Variants in SANBR observed in about 807,000 individuals in gnomAD.
The protein encoded by SANBR is SANT and BTB domain regulator of CSR.
In SANBR, 77 loss-of-function variants were observed where a neutral mutation model predicts 101.8. The observed-to-expected ratio is 0.76, with a 90% confidence interval of 0.63 to 0.91. The LOEUF (loss-of-function observed/expected upper bound fraction) is 0.91. Ranked by LOEUF, SANBR falls within the 40% of genes least tolerant of loss-of-function variation. The pLI is 0.00. For synonymous variants in SANBR, 279 were observed against 274.7 expected, an observed-to-expected ratio of 1.02 and a Z score of -0.15; for missense variants, 875 against 853.0, an observed-to-expected ratio of 1.03 and a Z score of -0.32.
downstream of SANBR, among the ~76,000 whole-genome samples, chr2:61,126,217 A>G (rs1408350103): frequency 6.6e-6 from 1 of 152,178 alleles, no homozygotes; most frequent in Non-Finnish European, 1.5e-5. Context: ...CACAAGGCAA[A>G]TATCTAGAAA....
chr2:61,134,031 C>T, intron 20 of SANBR: 2 of 1,513,252 alleles, frequency 1.3e-6, no homozygotes, highest in Non-Finnish European at 1.8e-6. Flanking sequence ...ACAATCTCAC[C>T]AATTTATCCT....
At chr2:61,117,175 A>T in intron 17 of SANBR, 182 bp from the exon 18 acceptor site, 4 of 600,434 alleles carry the variant, frequency 6.7e-6, no homozygotes, top group Non-Finnish European at 1.2e-5. Context: ...CTGTTTTATT[A>T]TGAAGATATT....
At position 61,111,613 on chromosome 2, in the gene SANBR, A is replaced by G. The variant is rs527544562; in HGVS notation, c.1744+2317A>G. On this transcript the variant is annotated intron_variant, in intron 16 of 21. Coordinates refer to ENST00000402291, the MANE Select transcript of SANBR (RefSeq NM_001129993.3). ...CAAAATTCACCCATTTTAAGTGTAC[A>G]TGTAGATGAGTTTTGGCACACAGAT... 3.8e-4 allele frequency among the ~76,000 whole-genome samples: 58 copies of G among 152,352 alleles called. No homozygotes were observed. The South Asian group carries it at 8.7e-3, about 23-fold the overall frequency.
In SANBR at chr2:61,103,892, C is replaced by G; in HGVS notation, c.1405C>G (p.Gln469Glu). The G allele has an allele frequency of 6.2e-7, 1 of 1,614,144 alleles. No homozygotes were observed. Among genetic ancestry groups the G allele is most frequent in the Non-Finnish European group, 8.5e-7 (1 of 1,180,002 alleles). Residue 469 changes from glutamine to glutamate, a missense_variant, in exon 13 of 22, where the codon CAA becomes GAA. Gln to Glu is a conservative substitution (Grantham distance 29). Transcript: ENST00000402291. ...VRDHMVTLRD[Q>E]GEGGDLPSCP... ...GGACCACATGGTTACACTTCGTGAT[C>G]AAGGTGAAGGCGGAGATTTGCCGTC...
At position 61,104,017 on chromosome 2, in the gene SANBR, C is replaced by G; in HGVS notation, c.1511+19C>G. 2 of 1,611,048 alleles carry G rather than the reference C, an allele frequency of 1.2e-6. No homozygotes were observed. The highest frequency in any genetic ancestry group is 1.7e-6 in the Non-Finnish European group (2 of 1,177,606). On this transcript the variant is annotated intron_variant, in intron 13 of 21. Transcript: ENST00000402291. Reference sequence around the variant, plus strand: ...CAGTTAGGTGAGGGGTGGAAAAACCCAACACTGTATTATAGCTTTATTCAG... The same window carrying G: ...CAGTTAGGTGAGGGGTGGAAAAACCGAACACTGTATTATAGCTTTATTCAG...
chr2:61,068,033 C>A (rs576615721), intron 1 of SANBR, among the ~76,000 whole-genome samples: 1 of 152,270 alleles, frequency 6.6e-6, no homozygotes, highest in East Asian at 1.9e-4. Context: ...GTGACCTTCT[C>A]GTTAATTCAG....
At chr2:61,102,623 C>T (rs920475272) in intron 12 of SANBR, among the ~76,000 whole-genome samples, 5 of 151,970 alleles carry the variant, frequency 3.3e-5, no homozygotes, top group African/African-American at 1.2e-4. Flanking sequence ...CTGCAACCTC[C>T]GCCTCCTGGG....
rs1002056204 is a variant in SANBR, at chr2:61,121,283, CA to C, written c.2120+8del. On this transcript the variant is annotated splice_region_variant and intron_variant, in intron 21 of 21. Coordinates refer to ENST00000402291, the MANE Select transcript of SANBR (RefSeq NM_001129993.3). ...GCTCAGAGAAAAACACAAGGTAAATCAGCATAAACTAAACCAGAGTGTCAGT... is the reference window on the plus strand; with the variant it reads ...GCTCAGAGAAAAACACAAGGTAAATCGCATAAACTAAACCAGAGTGTCAGT... 32 of 1,546,884 alleles carry C rather than the reference CA, an allele frequency of 2.1e-5. No individual in the cohort carries two copies. Among genetic ancestry groups the C allele is most frequent in the Non-Finnish European group, 2.5e-5 (29 of 1,143,266 alleles).
intron 10 of SANBR, among the ~76,000 whole-genome samples, chr2:61,091,170 TAAAAG>T (rs1682736113): frequency 2.0e-5 from 3 of 152,096 alleles, no homozygotes; most frequent in African/African-American, 7.2e-5. Context: ...AATAAAGACT[TAAAAG>T]AATCAGGCCT....
chr2:61,091,311 G>A (rs970848384), intron 10 of SANBR, among the ~76,000 whole-genome samples: 1 of 151,788 alleles, frequency 6.6e-6, no homozygotes, highest in Non-Finnish European at 1.5e-5. Flanking sequence ...CCAGGTGTAG[G>A]TTTGGCATGG....
chr2:61,115,929 TGGAAAAGTATATGGGGCCTAA>T, intron 16 of SANBR, 29 bp from the exon 17 acceptor site: 1 of 1,151,858 alleles, frequency 8.7e-7, no homozygotes, highest in Non-Finnish European at 1.3e-6. Context: ...ACAAGTGGAC[TGGAAAAGTATATGGGGCCTAA>T]GTTTATAACA....
chr2:61,115,350 T>A (rs1010922713), intron 16 of SANBR, among the ~76,000 whole-genome samples: 4 of 151,312 alleles, frequency 2.6e-5, no homozygotes, highest in African/African-American at 4.9e-5. Flanking sequence ...ATATATATTT[T>A]TTTTTTGAGA....
Position 61,073,514 on chromosome 2 carries a change from A to G in SANBR, c.394A>G (p.Thr132Ala), listed in dbSNP as rs756527472. 1.9e-6 allele frequency: 3 copies of G among 1,584,372 alleles called. No homozygotes were observed. Among genetic ancestry groups the G allele is most frequent in the Admixed American group, 1.7e-5 (1 of 57,554 alleles). ...TTCTTCAGAAAGTGAAAATTGTACT[A>G]CTCATAATGGTGGAGAAATGACTGA... is the stretch of plus-strand genomic sequence containing the variant. ...NCSSESENCTTHNGGEMTEES... is the reference protein window; with the variant it reads ...NCSSESENCTAHNGGEMTEES... The change falls in exon 5 of 22, where the codon ACT (threonine) becomes GCT (alanine). Residue 132 changes from threonine to alanine, a missense_variant. Transcript: ENST00000402291.
At chr2:61,102,553 G>A (rs957564552) in intron 12 of SANBR, among the ~76,000 whole-genome samples, 4 of 150,346 alleles carry the variant, frequency 2.7e-5, no homozygotes, top group African/African-American at 9.8e-5. Flanking sequence ...TTTTTTTGAG[G>A]TGGAGTCTTG....
At chr2:61,124,812 G>A (rs187586312), downstream of SANBR, among the ~76,000 whole-genome samples, 81 of 152,124 alleles carry the variant, frequency 5.3e-4, no homozygotes, top group South Asian at 1.2e-3. Context: ...AATGCTGATT[G>A]TACACAATTG....
chr2:61,088,558 C>CTCCAAA, intron 10 of SANBR, 90 bp downstream of exon 10: 3 of 862,958 alleles, frequency 3.5e-6, no homozygotes, highest in Non-Finnish European at 5.0e-6. Context: ...CTTACTCTGT[C>CTCCAAA]ACCCAGGCTG....
chr2:61,088,013 A>G (rs1221708382), intron 8 of SANBR, 146 bp from the exon 9 acceptor site: 1 of 499,754 alleles, frequency 2.0e-6, no homozygotes, highest in Non-Finnish European at 3.5e-6. Context: ...TTATTTACTT[A>G]GAACACTAAA....
chr2:61,102,068 C>T (rs896910327), intron 12 of SANBR, among the ~76,000 whole-genome samples: 11 of 150,892 alleles, frequency 7.3e-5, no homozygotes, highest in Admixed American at 6.0e-4. Context: ...AATCTTTTGT[C>T]GATATATATG....
chr2:61,090,359 C>T (rs1682675337), intron 10 of SANBR: 1 of 151,800 alleles, frequency 6.6e-6, no homozygotes, highest in Non-Finnish European at 1.5e-5. Context: ...ATATATACAC[C>T]TATTAGTAGT....
Sources: gnomAD v4.1 joint callset for allele counts (sites outside exome capture counted in the v4.1 genomes callset) on GRCh38, gnomAD v4.1.1 for gene constraint, MANE v1.5 for transcripts, NCBI Gene and HGNC (gene_info 2026-07-23, HGNC 2026-07-21) for gene names.